PALLD: variants seen among roughly 807,000 people sequenced by gnomAD.
PALLD encodes the protein palladin, cytoskeletal associated protein, also known as palladin.
Under a neutral mutation model 123.5 loss-of-function variants are expected in PALLD, and 61 were observed. The observed-to-expected ratio is 0.49, with a 90% CI of 0.40 to 0.61. The LOEUF is 0.61. Ranked by LOEUF, PALLD falls within the 20% of genes least tolerant of loss-of-function variation. The pLI is 0.00. For synonymous variants in PALLD, 465 were observed against 496.4 expected (o/e 0.94, Z 0.84); for missense variants, 1,273 against 1,377.0 (o/e 0.92, Z 1.20).
chr4:168,601,354 T>A (rs1211216891), intron 2 of PALLD, among the ~76,000 whole-genome samples: 1 of 152,128 alleles, frequency 6.6e-6, no homozygotes, highest in Non-Finnish European at 1.5e-5. Flanking sequence ...CTCAAGGCAT[T>A]AGCTCAATTT....
chr4:168,793,130 T>C (rs921814759), intron 10 of PALLD, among the ~76,000 whole-genome samples: 1 of 138,632 alleles, frequency 7.2e-6, no homozygotes, highest in Admixed American at 7.3e-5. Flanking sequence ...TGTGTGTGCA[T>C]ATATATACAT....
intron 2 of PALLD, among the ~76,000 whole-genome samples, chr4:168,562,882 C>G (rs190267372): frequency 1.2e-4 from 18 of 152,232 alleles, no homozygotes; most frequent in African/African-American, 4.1e-4. Flanking sequence ...TCAGAAGATG[C>G]CTGCAGCTCC....
At chr4:168,535,547 G>A (rs537401956) in intron 2 of PALLD, among the ~76,000 whole-genome samples, 1 of 152,290 alleles carries the variant, frequency 6.6e-6, no homozygotes, top group East Asian at 1.9e-4. Flanking sequence ...GGGGCTAGGG[G>A]AAGACTTCAG....
rs1178436355 is a variant in PALLD at position 168,927,454 on chromosome 4, G to A, written c.*1274G>A. The A allele has an allele frequency of 1.3e-5, 3 of 232,720 alleles. No homozygotes were observed. The highest frequency in any genetic ancestry group is 2.5e-5 in the Non-Finnish European group (3 of 117,762). The allele number at this position is 232,720 out of a possible 1,614,324, so 14.4% of individuals were successfully genotyped here. A position where few individuals can be genotyped will look rare whatever the true frequency, so the allele number is the denominator to read the frequency against. On this transcript the variant is annotated 3_prime_UTR_variant, in exon 22 of 22. Coordinates refer to ENST00000505667, the MANE Select transcript of PALLD (RefSeq NM_001166108.2). The stretch of plus-strand genomic sequence containing the variant: ...TGTGTCTGAGGTTTGTGTAGTAGTG[G>A]AAGATTTTAGGTATGTAGAGCAAGT...
chr4:168,780,096 A>G (rs1414098963), intron 10 of PALLD, among the ~76,000 whole-genome samples: 2 of 152,006 alleles, frequency 1.3e-5, no homozygotes, highest in African/African-American at 4.8e-5. Context: ...ATGGGGTTTC[A>G]CCATGTTAGC....
At chr4:168,582,902 G>C (rs556540754) in intron 2 of PALLD, among the ~76,000 whole-genome samples, 1 of 152,096 alleles carries the variant, frequency 6.6e-6, no homozygotes, top group African/African-American at 2.4e-5. Context: ...TAAATGAAAG[G>C]CTTTGCACTC....
intron 5 of PALLD, among the ~76,000 whole-genome samples, chr4:168,683,910 T>C (rs1397614481): frequency 1.3e-5 from 2 of 152,150 alleles, no homozygotes; most frequent in Non-Finnish European, 2.9e-5. Flanking sequence ...GCTATCGATA[T>C]GTGGAAAATA....
chr4:168,876,753 A>G (rs947607787), intron 10 of PALLD, among the ~76,000 whole-genome samples: 22 of 152,298 alleles, frequency 1.4e-4, no homozygotes, highest in African/African-American at 5.1e-4. Context: ...TTAGTTTTAA[A>G]ACGTTTATTG....
At chr4:168,607,377 G>T (rs1181663337) in intron 2 of PALLD, among the ~76,000 whole-genome samples, 1 of 152,120 alleles carries the variant, frequency 6.6e-6, no homozygotes, top group Non-Finnish European at 1.5e-5. Context: ...AGTGACCGGA[G>T]GTGTAACTGA....
rs1361679417 is a variant in PALLD, at chr4:168,869,431, A to G, written c.1965-21491A>G. ...CTAGATGTTACTAGGGAGAGCTTCAAGAAGAAATGGGCATTGAAATGGGCA... is the reference window on the plus strand; with the variant it reads ...CTAGATGTTACTAGGGAGAGCTTCAGGAAGAAATGGGCATTGAAATGGGCA... On this transcript the variant is annotated intron_variant, in intron 10 of 21. Coordinates refer to ENST00000505667, the MANE Select transcript of PALLD (RefSeq NM_001166108.2). This position sits in a 1 kb window ranked among gnomAD's most constrained non-coding sequence, Gnocchi z 4.5. Among the ~76,000 whole-genome samples the G allele has an allele frequency of 1.3e-5, 2 of 152,134 alleles. No homozygotes were observed. Among genetic ancestry groups the G allele is most frequent in the African/African-American group, 4.8e-5 (2 of 41,438 alleles).
chr4:168,687,277 A>G (rs1782158735), intron 6 of PALLD, among the ~76,000 whole-genome samples: 1 of 152,216 alleles, frequency 6.6e-6, no homozygotes. Flanking sequence ...AACAGGTGGT[A>G]ACAACTTGGA....
chr4:168,737,549 C>G (rs755370682), intron 10 of PALLD, among the ~76,000 whole-genome samples: 4 of 151,598 alleles, frequency 2.6e-5, no homozygotes, highest in Non-Finnish European at 5.9e-5. Context: ...AAACAGTTTT[C>G]TTTACTAAAA....
intron 8 of PALLD, among the ~76,000 whole-genome samples, chr4:168,696,933 A>T (rs1783183305): frequency 6.6e-6 from 1 of 152,224 alleles, no homozygotes; most frequent in Non-Finnish European, 1.5e-5. Context: ...CCCCAAACTG[A>T]AAGTTATCAA....
intron 1 of PALLD, among the ~76,000 whole-genome samples, chr4:168,499,239 G>GGGA (rs1761083879): frequency 7.7e-6 from 1 of 130,640 alleles, no homozygotes; most frequent in Non-Finnish European, 1.6e-5. Flanking sequence ...CGGGGAAGAA[G>GGGA]GAAGGGAGAA....
At chr4:168,684,260 A>C (rs1473423278) in intron 5 of PALLD, among the ~76,000 whole-genome samples, 1 of 152,192 alleles carries the variant, frequency 6.6e-6, no homozygotes, top group Admixed American at 6.5e-5. Flanking sequence ...TAAATACCAT[A>C]ATAATGTAAA....
chr4:168,799,256 T>A (rs1180810166), intron 10 of PALLD, among the ~76,000 whole-genome samples: 1 of 152,180 alleles, frequency 6.6e-6, no homozygotes, highest in Non-Finnish European at 1.5e-5. Context: ...GTTTACCTAT[T>A]AAGTTAGGTT....
intron 10 of PALLD, among the ~76,000 whole-genome samples, chr4:168,717,995 T>A (rs1306977884): frequency 6.6e-6 from 1 of 152,196 alleles, no homozygotes; most frequent in Non-Finnish European, 1.5e-5. Flanking sequence ...CACAGTGCAA[T>A]CACACTGCTA....
chr4:168,644,916 A>G (rs931541070), intron 2 of PALLD, among the ~76,000 whole-genome samples: 6 of 152,172 alleles, frequency 3.9e-5, no homozygotes, highest in East Asian at 1.9e-4. Context: ...CAGCCTGGCC[A>G]ATATGGAAAC....
At chr4:168,653,811 C>T (rs923434379) in intron 2 of PALLD, among the ~76,000 whole-genome samples, 1 of 152,258 alleles carries the variant, frequency 6.6e-6, no homozygotes, top group African/African-American at 2.4e-5. Flanking sequence ...CGCCATTCTC[C>T]TGCCTCAGCC....
Sources: gnomAD v4.1 joint callset for allele counts (sites outside exome capture counted in the v4.1 genomes callset) on GRCh38, gnomAD v4.1.1 for gene constraint, Gnocchi (gnomAD v3.1) non-coding constraint, MANE v1.5 for transcripts, NCBI Gene and HGNC (gene_info 2026-07-23, HGNC 2026-07-21) for gene names.